Variants in CPNE9 observed in about 807,000 individuals in gnomAD.
The protein encoded by CPNE9 is copine family member 9.
In CPNE9, 59 loss-of-function variants were observed where a neutral mutation model predicts 83.0. That is an observed-to-expected ratio of 0.71 (90% CI 0.58 to 0.88). The LOEUF is 0.88. CPNE9 is among the 40% of genes least tolerant of loss of function. The pLI is 0.00. For synonymous variants in CPNE9, 256 were observed against 273.4 expected, an observed-to-expected ratio of 0.94 and a Z score of 0.63; for missense variants, 619 against 720.8, an observed-to-expected ratio of 0.86 and a Z score of 1.62.
In CPNE9 at chr3:9,726,106, G is replaced by A. The variant is rs1010175119; in HGVS notation, c.1344+55G>A. ...AGGAGTAATGTCAATACTGTGAAGG[G>A]GCTGAGATTTTATCCTACTTGCAAG... is the stretch of plus-strand genomic sequence containing the variant. On this transcript the variant is annotated intron_variant, in intron 18 of 20. Coordinates refer to ENST00000383832, the MANE Select transcript of CPNE9 (RefSeq NM_153635.3). 3.5e-6 allele frequency: 4 copies of A among 1,134,882 alleles called. No homozygotes were observed. In the Admixed American group the frequency reaches 7.5e-5, roughly 21 times the overall value. The allele number at this position is 1,134,882 out of a possible 1,614,324, so 70.3% of individuals were successfully genotyped here. A position where few individuals can be genotyped will look rare whatever the true frequency, so the allele number is the denominator to read the frequency against.
Position 9,727,109 on chromosome 3 carries a change from G to A in CPNE9, c.1403-4G>A. 6.2e-7 allele frequency: 1 copy of A among 1,614,128 alleles called. No individual in the cohort carries two copies. Among genetic ancestry groups the A allele is most frequent in the Non-Finnish European group, 8.5e-7 (1 of 1,180,012 alleles). ...ATCAGCTGAGGGGTGTGTCTTTTCT[G>A]CAGCAATGGAAGAGTTGGACGGTGA... On this transcript the variant is annotated splice_region_variant and splice_polypyrimidine_tract_variant and intron_variant, in intron 19 of 20. Coordinates refer to ENST00000383832, the MANE Select transcript of CPNE9 (RefSeq NM_153635.3).
At chr3:9,712,933 G>A (rs1196523577) in intron 9 of CPNE9, 42 bp from the exon 10 acceptor site, 1 of 1,584,038 alleles carries the variant, frequency 6.3e-7, no homozygotes, top group Middle Eastern at 1.7e-4. Context: ...TCCTACCCCG[G>A]GCACGAGATA....
At chr3:9,727,576 AG>A in intron 20 of CPNE9, 1 of 605,432 alleles carries the variant, frequency 1.7e-6, no homozygotes. Flanking sequence ...GACCTAAGGG[AG>A]GGGATAAGCA....
At chr3:9,729,155 G>A (rs1304517729) in intron 20 of CPNE9, among the ~76,000 whole-genome samples, 1 of 152,144 alleles carries the variant, frequency 6.6e-6, no homozygotes, top group Non-Finnish European at 1.5e-5. Context: ...GACGTGTCCA[G>A]AAGAATTATG....
intron 17 of CPNE9, among the ~76,000 whole-genome samples, chr3:9,721,609 G>A (rs539488196): frequency 1.3e-5 from 2 of 152,164 alleles, no homozygotes; most frequent in Non-Finnish European, 2.9e-5. Context: ...TCTAGAGGAC[G>A]AGGTAGACTT....
intron 17 of CPNE9, 25 bp from the exon 18 acceptor site, chr3:9,725,924 G>T: frequency 6.3e-7 from 1 of 1,575,442 alleles, no homozygotes; most frequent in South Asian, 1.1e-5. Flanking sequence ...CTTTCAGCTG[G>T]ATTCTCATTT....
intron 8 of CPNE9, 59 bp from the exon 9 acceptor site, chr3:9,712,666 G>C: frequency 2.5e-6 from 4 of 1,607,406 alleles, no homozygotes; most frequent in Non-Finnish European, 3.4e-6. Context: ...CCCTTTAATG[G>C]ACTGTCTGAA....
At chr3:9,729,460 C>T (rs1172490358) in intron 20 of CPNE9, 47 bp from the exon 21 acceptor site, 1 of 1,557,864 alleles carries the variant, frequency 6.4e-7, no homozygotes, top group Admixed American at 1.8e-5. Flanking sequence ...CCCCCATGCC[C>T]TCTCTCCTGG....
chr3:9,721,393 T>C (rs1042739087), intron 17 of CPNE9, among the ~76,000 whole-genome samples: 2 of 152,238 alleles, frequency 1.3e-5, no homozygotes, highest in African/African-American at 4.8e-5. Context: ...TCTTCTCACA[T>C]TGCATCCCTG....
Position 9,704,720 on chromosome 3 carries a change from C to A in CPNE9, c.110-29C>A. 6.2e-7 allele frequency: 1 copy of A among 1,611,954 alleles called. No individual in the cohort carries two copies. The highest frequency in any genetic ancestry group is 1.1e-5 in the South Asian group (1 of 91,020). On this transcript the variant is annotated intron_variant, in intron 2 of 20. Coordinates refer to ENST00000383832, the MANE Select transcript of CPNE9 (RefSeq NM_153635.3). This position sits in a 1 kb window ranked among gnomAD's most constrained non-coding sequence, Gnocchi z 7.1. The stretch of plus-strand genomic sequence containing the variant: ...GGGCCAGGGGTGGGAGCCGACCTGA[C>A]GTCCTTCCCTCCCCGCCCCCACCTG...
In CPNE9 at chr3:9,715,486, G is replaced by T; in HGVS notation, c.782G>T (p.Arg261Leu). ...QFTVYEVLNPRKKCKKKKYVN... is the reference protein window; with the variant it reads ...QFTVYEVLNPLKKCKKKKYVN... ...TCCTCCCCTTAGGTTCTTAACCCTCGGAAGAAATGTAAGAAGAAGAAATAT... is the reference window on the plus strand; with the variant it reads ...TCCTCCCCTTAGGTTCTTAACCCTCTGAAGAAATGTAAGAAGAAGAAATAT... The change falls in exon 13 of 21, where the codon CGG becomes CTG. Residue 261 changes from arginine to leucine, a missense_variant. By Grantham distance (102) the Arg-to-Leu change is moderately radical. This residue lies in a region of CPNE9 where 438 missense variants were observed against 562.9 expected (regional missense o/e 0.78). Transcript: ENST00000383832. The T allele has an allele frequency of 6.2e-7, 1 of 1,613,974 alleles. No individual in the cohort carries two copies. The highest frequency in any genetic ancestry group is 8.5e-7 in the Non-Finnish European group (1 of 1,179,882).
chr3:9,706,768 A>G (rs1488535934), intron 7 of CPNE9, among the ~76,000 whole-genome samples: 1 of 152,218 alleles, frequency 6.6e-6, no homozygotes, highest in Non-Finnish European at 1.5e-5. Context: ...ACGGACAGGT[A>G]ACTTTGGAGC....
intron 7 of CPNE9, among the ~76,000 whole-genome samples, chr3:9,709,738 CGAGGCCTCCTAAAGGTGGAGGCA>C (rs1314794600): frequency 6.6e-6 from 1 of 151,636 alleles, no homozygotes; most frequent in Non-Finnish European, 1.5e-5. Context: ...TTTAGGAGGC[CGAGGCCTCCTAAAGGTGGAGGCA>C]GGTGTATCAC....
At chr3:9,722,248 G>A (rs2076741722) in intron 17 of CPNE9, among the ~76,000 whole-genome samples, 1 of 149,796 alleles carries the variant, frequency 6.7e-6, no homozygotes, top group African/African-American at 2.5e-5. Flanking sequence ...CTTTTAAAGC[G>A]CCTACCTTAT....
At chr3:9,718,281 G>C in intron 16 of CPNE9, 71 bp downstream of exon 16, 2 of 1,479,304 alleles carry the variant, frequency 1.4e-6, no homozygotes, top group South Asian at 1.3e-5. Flanking sequence ...ATTTTGTTCT[G>C]TTTACATTAC....
At chr3:9,725,632 ATATACATGTATGTGTATATATG>A in intron 17 of CPNE9, among the ~76,000 whole-genome samples, 1 of 128,066 alleles carries the variant, frequency 7.8e-6, no homozygotes, top group Admixed American at 7.8e-5. Context: ...ATATATATGT[ATATACATGTATGTGTATATATG>A]TGTATATATG....
chr3:9,712,907 GA>G (rs147141975), intron 9 of CPNE9, 67 bp from the exon 10 acceptor site: 73,982 of 1,568,126 alleles, frequency 0.047, 2,195 homozygotes, highest in Non-Finnish European at 0.056. Context: ...GAATCTCTGA[GA>G]GCATCTGGAT....
At position 9,715,252 on chromosome 3, in the gene CPNE9, C is replaced by G. The variant is rs372394053; in HGVS notation, c.693-37C>G. 4.4e-6 allele frequency: 7 copies of G among 1,604,284 alleles called. No homozygotes were observed. The African/African-American group carries it at 8.0e-5, about 18-fold the overall frequency. On this transcript the variant is annotated intron_variant, in intron 11 of 20. Coordinates refer to ENST00000383832, the MANE Select transcript of CPNE9 (RefSeq NM_153635.3). Reference sequence around the variant, plus strand: ...GGGTTCAGCTCTGGTTCCAAACCAGCAGCACCTGCTGCTTAGCCACGCCCA... The same window carrying G: ...GGGTTCAGCTCTGGTTCCAAACCAGGAGCACCTGCTGCTTAGCCACGCCCA...
intron 17 of CPNE9, among the ~76,000 whole-genome samples, chr3:9,720,561 CA>C (rs2076725502): frequency 6.6e-6 from 1 of 152,096 alleles, no homozygotes; most frequent in Non-Finnish European, 1.5e-5. Context: ...TAGAAAGTTT[CA>C]ATAGAGAAAT....
Sources: allele counts gnomAD v4.1 joint callset (sites outside exome capture counted in the v4.1 genomes callset), GRCh38; gene constraint gnomAD v4.1.1; regional missense constraint gnomAD v4.1.1; non-coding constraint Gnocchi (gnomAD v3.1); transcripts MANE v1.5; gene names NCBI Gene and HGNC (gene_info 2026-07-23, HGNC 2026-07-21).